Variants in IGF2BP2 observed in about 807,000 individuals in gnomAD.
IGF2BP2 encodes the protein insulin-like growth factor 2 mRNA-binding protein 2.
In IGF2BP2, 17 loss-of-function variants were observed where a neutral mutation model predicts 75.8. The ratio of observed to expected loss-of-function variants is 0.22; its 90% CI spans 0.15 to 0.34. IGF2BP2 has a LOEUF of 0.34. Among genes scored for constraint, IGF2BP2 ranks in the 10% least tolerant of loss-of-function variants. The pLI is 1.00. For missense variants in IGF2BP2, 516 were observed against 772.4 expected, an observed-to-expected ratio of 0.67 and a Z score of 3.93; for synonymous variants, 288 against 295.6, an observed-to-expected ratio of 0.97 and a Z score of 0.26.
At chr3:185,719,954 G>A (rs572200663) in intron 2 of IGF2BP2, among the ~76,000 whole-genome samples, 67 of 152,318 alleles carry the variant, frequency 4.4e-4, no homozygotes, top group Middle Eastern at 3.4e-3. Context: ...CTGAATCCAA[G>A]GGCCATGAAT....
Position 185,698,496 on chromosome 3 carries a change from G to A in IGF2BP2, c.240-149C>T, listed in dbSNP as rs566490045. The A allele has an allele frequency of 9.3e-5, 65 of 701,780 alleles. No individual in the cohort carries two copies. In the South Asian group the frequency reaches 1.1e-3, roughly 12 times the overall value. The allele number at this position is 701,780 out of a possible 1,614,324, so 43.5% of individuals were successfully genotyped here. ...AAAAAATTCCTACTGTGAATCATGAGCATAGTTTTTTTGTTGTTTTTTTTC... is the reference window on the plus strand; with the variant it reads ...AAAAAATTCCTACTGTGAATCATGAACATAGTTTTTTTGTTGTTTTTTTTC... On this transcript the variant is annotated intron_variant, in intron 2 of 15. Coordinates refer to ENST00000382199, the MANE Select transcript of IGF2BP2 (RefSeq NM_006548.6).
chr3:185,753,863 G>T (rs975746716), intron 2 of IGF2BP2, among the ~76,000 whole-genome samples: 2 of 152,050 alleles, frequency 1.3e-5, no homozygotes, highest in African/African-American at 4.8e-5. Flanking sequence ...TCCCCTTGGT[G>T]ATAAGTGAGT....
chr3:185,799,364 C>T (rs780994465), intron 2 of IGF2BP2, among the ~76,000 whole-genome samples: 2 of 152,096 alleles, frequency 1.3e-5, no homozygotes, highest in Non-Finnish European at 2.9e-5. Flanking sequence ...TGCACCACTG[C>T]CTTCCATCCC....
At chr3:185,802,354 T>C (rs1458093864) in intron 2 of IGF2BP2, among the ~76,000 whole-genome samples, 2 of 152,144 alleles carry the variant, frequency 1.3e-5, no homozygotes, top group African/African-American at 4.8e-5. Flanking sequence ...CTAAGGCTGG[T>C]GTTGGAATGG....
chr3:185,811,833 T>C (rs1739890867), intron 2 of IGF2BP2, among the ~76,000 whole-genome samples: 1 of 35,940 alleles, frequency 2.8e-5, no homozygotes, highest in African/African-American at 1.6e-4. Flanking sequence ...GTAGGGTGTC[T>C]CTCTCTCTCT....
rs1196744773 is a variant in IGF2BP2 at position 185,647,202 on chromosome 3, G to C, written c.1594-64C>G. 1 of 1,174,856 alleles carries C rather than the reference G, an allele frequency of 8.5e-7. No homozygotes were observed. Among genetic ancestry groups the C allele is most frequent in the Admixed American group, 1.7e-5 (1 of 59,358 alleles). The allele number at this position is 1,174,856 out of a possible 1,614,324, so 72.8% of individuals were successfully genotyped here. A position where few individuals can be genotyped will look rare whatever the true frequency, so the allele number is the denominator to read the frequency against. ...CTCCCCGTCAACGTGGTGGGCTCAG[G>C]ACGGAGTGAGGGGCCAAGAGGTGGA... On this transcript the variant is annotated intron_variant, in intron 14 of 15. Transcript: ENST00000382199. The surrounding 1 kb of genome is among the most constrained non-coding windows in gnomAD (Gnocchi z 4.9).
chr3:185,754,921 G>A (rs1328980848), intron 2 of IGF2BP2, among the ~76,000 whole-genome samples: 1 of 152,150 alleles, frequency 6.6e-6, no homozygotes, highest in Non-Finnish European at 1.5e-5. Flanking sequence ...GACTTAAAGT[G>A]GAACTTATAT....
At chr3:185,670,559 C>A (rs990237556) in intron 10 of IGF2BP2, among the ~76,000 whole-genome samples, 3 of 152,010 alleles carry the variant, frequency 2.0e-5, no homozygotes, top group Admixed American at 2.0e-4. Flanking sequence ...TTTGAGATTA[C>A]CAATTTATTT....
intron 12 of IGF2BP2, among the ~76,000 whole-genome samples, chr3:185,654,323 TG>T (rs1487161100): frequency 2.0e-5 from 3 of 152,182 alleles, no homozygotes; most frequent in Admixed American, 6.5e-5. Flanking sequence ...GCCTGGCCAT[TG>T]AGACTTCTGG....
chr3:185,808,152 GAAAC>G (rs1225427110), intron 2 of IGF2BP2, among the ~76,000 whole-genome samples: 2,123 of 123,890 alleles, frequency 0.017, 43 homozygotes, highest in African/African-American at 0.063. Flanking sequence ...AAGAAAGAAA[GAAAC>G]AAACAAACAA....
chr3:185,781,962 A>AT (rs939413611), intron 2 of IGF2BP2, among the ~76,000 whole-genome samples: 2 of 151,326 alleles, frequency 1.3e-5, no homozygotes, highest in African/African-American at 2.4e-5. Context: ...TACTTGAAAT[A>AT]TTTTTTTTTA....
At position 185,736,846 on chromosome 3, in the gene IGF2BP2, C is replaced by T. The variant is rs71320319; in HGVS notation, c.240-38499G>A. On this transcript the variant is annotated intron_variant, in intron 2 of 15. Transcript: ENST00000382199. ...AAGAGTTTTCCTTTTGACCCTGATA[C>T]GCAAAACTGTGCCATCAGTACTGGG... 5.0e-3 allele frequency among the ~76,000 whole-genome samples: 768 copies of T among 152,256 alleles called. 2 individuals are homozygous for T. Among genetic ancestry groups the T allele is most frequent in the Non-Finnish European group, 8.8e-3 (601 of 68,012 alleles).
chr3:185,718,004 A>G (rs1005539250), intron 2 of IGF2BP2: 2 of 152,288 alleles, frequency 1.3e-5, no homozygotes, highest in Admixed American at 6.5e-5. Flanking sequence ...CATGGGCTGT[A>G]CTAACGAACA....
chr3:185,816,049 G>C (rs1432177042), intron 2 of IGF2BP2, among the ~76,000 whole-genome samples: 3 of 152,122 alleles, frequency 2.0e-5, no homozygotes, highest in Non-Finnish European at 4.4e-5. Context: ...GTTCCTACCA[G>C]GGAAACACGT....
At chr3:185,732,059 G>A (rs1728268082) in intron 2 of IGF2BP2, among the ~76,000 whole-genome samples, 2 of 151,954 alleles carry the variant, frequency 1.3e-5, no homozygotes, top group South Asian at 2.1e-4. Flanking sequence ...TTGTGCACTC[G>A]TTGTTCTCTC....
chr3:185,702,775 C>A (rs1723492858), intron 2 of IGF2BP2, among the ~76,000 whole-genome samples: 1 of 152,160 alleles, frequency 6.6e-6, no homozygotes, highest in Non-Finnish European at 1.5e-5. Context: ...CTCCTTCACA[C>A]CAAGCCCCTC....
At chr3:185,806,655 TC>T (rs1739075118) in intron 2 of IGF2BP2, among the ~76,000 whole-genome samples, 1 of 152,218 alleles carries the variant, frequency 6.6e-6, no homozygotes, top group Non-Finnish European at 1.5e-5. Flanking sequence ...TAGGCAAAAT[TC>T]AGAGGTTTGC....
At chr3:185,734,885 A>T (rs963806300) in intron 2 of IGF2BP2, among the ~76,000 whole-genome samples, 1 of 152,118 alleles carries the variant, frequency 6.6e-6, no homozygotes, top group African/African-American at 2.4e-5. Flanking sequence ...GACCTTGGCC[A>T]ATTACTCAAC....
intron 2 of IGF2BP2, among the ~76,000 whole-genome samples, chr3:185,752,336 A>C (rs1251549536): frequency 6.6e-6 from 1 of 152,224 alleles, no homozygotes; most frequent in African/African-American, 2.4e-5. Flanking sequence ...TACCTAATAA[A>C]TTTGTGAACA....
Sources: gnomAD v4.1 joint callset for allele counts (sites outside exome capture counted in the v4.1 genomes callset) on GRCh38, gnomAD v4.1.1 for gene constraint, Gnocchi (gnomAD v3.1) non-coding constraint, MANE v1.5 for transcripts, NCBI Gene and HGNC (gene_info 2026-07-23, HGNC 2026-07-21) for gene names.